FOCAD: variants seen among roughly 807,000 people sequenced by gnomAD.
FOCAD encodes the protein KIAA1797.
A neutral mutation model predicts 225.6 loss-of-function variants in FOCAD; 198 were observed. That is an observed-to-expected ratio of 0.88 (90% CI 0.78 to 0.99). The LOEUF (loss-of-function observed/expected upper bound fraction) is 0.99. Among genes scored for constraint, FOCAD ranks in the 50% least tolerant of loss-of-function variants. The probability of loss-of-function intolerance (pLI) is 0.00; values close to 1 mark genes in which losing one functional copy is unlikely to be tolerated. For missense variants in FOCAD, 2,713 were observed against 2,123.6 expected, an observed-to-expected ratio of 1.28 and a Z score of -5.46; for synonymous variants, 897 against 755.0, an observed-to-expected ratio of 1.19 and a Z score of -3.08.
chr9:20,828,478 A>T (rs1262776616), intron 15 of FOCAD, among the ~76,000 whole-genome samples: 1 of 152,010 alleles, frequency 6.6e-6, no homozygotes, highest in African/African-American at 2.4e-5. Context: ...TCATATAGTA[A>T]CTCACTGTTT....
At chr9:20,828,217 A>G (rs1256338385) in intron 15 of FOCAD, among the ~76,000 whole-genome samples, 1 of 151,868 alleles carries the variant, frequency 6.6e-6, no homozygotes, top group Non-Finnish European at 1.5e-5. Context: ...AAAAGTAACT[A>G]TGTAAGATGA....
intron 26 of FOCAD, among the ~76,000 whole-genome samples, chr9:20,927,336 T>TC (rs1428625933): frequency 6.6e-6 from 1 of 152,118 alleles, no homozygotes. Context: ...TAGCCCTTGC[T>TC]CCCCACTTCT....
At chr9:20,949,582 G>GGGGGCC in intron 32 of FOCAD, 22 bp from the exon 33 acceptor site, 1 of 936,510 alleles carries the variant, frequency 1.1e-6, no homozygotes, top group Non-Finnish European at 1.5e-6. Flanking sequence ...GGTGGGATGG[G>GGGGGCC]TATTTCTTCT....
intron 33 of FOCAD, among the ~76,000 whole-genome samples, chr9:20,950,141 A>G (rs535069463): frequency 1.4e-4 from 21 of 152,270 alleles, no homozygotes; most frequent in South Asian, 6.2e-4. Flanking sequence ...AAGATTTAAA[A>G]AAAAAAGATT....
At chr9:20,689,960 C>T (rs1296395344) in intron 1 of FOCAD, among the ~76,000 whole-genome samples, 1 of 152,148 alleles carries the variant, frequency 6.6e-6, no homozygotes, top group East Asian at 1.9e-4. Flanking sequence ...CTTTGATGTA[C>T]CTTTTCCTGG....
At chr9:20,704,937 C>T (rs1183146687) in intron 1 of FOCAD, among the ~76,000 whole-genome samples, 2 of 152,024 alleles carry the variant, frequency 1.3e-5, no homozygotes, top group African/African-American at 2.4e-5. Context: ...AAAAATTATC[C>T]ACAATTGGTA....
intron 18 of FOCAD, 146 bp from the exon 19 acceptor site, chr9:20,874,535 A>T: frequency 2.7e-6 from 2 of 736,324 alleles, no homozygotes; most frequent in Non-Finnish European, 2.1e-6. Flanking sequence ...TAGATTTTTA[A>T]AAAATTAATT....
Position 20,772,059 on chromosome 9 carries a change from G to T in FOCAD, c.906+1821G>T, listed in dbSNP as rs536394698. On this transcript the variant is annotated intron_variant, in intron 8 of 43. Coordinates refer to ENST00000338382, the MANE Select transcript of FOCAD (RefSeq NM_001375567.1). ...GAGGACACAGTTCAGCCCATAGTGA[G>T]GGCCTAATGAGGGAAATGGAAGTGG... Among the ~76,000 whole-genome samples the T allele has an allele frequency of 5.3e-5, 8 of 152,298 alleles. No homozygotes were observed. In the South Asian group the frequency reaches 1.5e-3, roughly 28 times the overall value.
intron 17 of FOCAD, among the ~76,000 whole-genome samples, chr9:20,866,611 A>C (rs565007345): frequency 1.3e-5 from 2 of 152,038 alleles, no homozygotes; most frequent in Non-Finnish European, 2.9e-5. Flanking sequence ...AATTGGGCAT[A>C]TTCTCCAGAA....
intron 8 of FOCAD, among the ~76,000 whole-genome samples, chr9:20,771,832 A>G (rs994942759): frequency 1.3e-5 from 2 of 152,188 alleles, no homozygotes; most frequent in African/African-American, 4.8e-5. Context: ...GTGCTGGCTG[A>G]TTCTGTTCTT....
At chr9:20,802,752 G>A (rs1554689445) in intron 11 of FOCAD, among the ~76,000 whole-genome samples, 1 of 152,100 alleles carries the variant, frequency 6.6e-6, no homozygotes, top group Non-Finnish European at 1.5e-5. Context: ...TAGAGCTCAG[G>A]TTAATTTGAT....
chr9:20,887,030 CA>C (rs1367162917), intron 21 of FOCAD, among the ~76,000 whole-genome samples: 13 of 152,146 alleles, frequency 8.5e-5, no homozygotes, highest in Admixed American at 7.9e-4. Flanking sequence ...CCAGGTTAAT[CA>C]GAGAAGATTC....
chr9:20,811,164 C>CT (rs1823024875), intron 11 of FOCAD, among the ~76,000 whole-genome samples: 1 of 152,012 alleles, frequency 6.6e-6, no homozygotes, highest in Non-Finnish European at 1.5e-5. Context: ...AATTTATACT[C>CT]TAAAAGCATT....
At chr9:20,817,835 T>C (rs1441291025) in intron 11 of FOCAD, among the ~76,000 whole-genome samples, 1 of 152,174 alleles carries the variant, frequency 6.6e-6, no homozygotes, top group Non-Finnish European at 1.5e-5. Flanking sequence ...TAAATAATGC[T>C]TTTCTGAAAA....
chr9:20,753,096 T>C (rs1049613834), intron 5 of FOCAD, among the ~76,000 whole-genome samples: 181 of 152,124 alleles, frequency 1.2e-3, no homozygotes, highest in South Asian at 2.5e-3. Context: ...ACAATCATGT[T>C]GTCTGCAAAC....
chr9:20,842,121 T>C (rs1826593125), intron 15 of FOCAD, among the ~76,000 whole-genome samples: 2 of 120,932 alleles, frequency 1.7e-5, no homozygotes, highest in Admixed American at 9.3e-5. Flanking sequence ...AAAGATACTT[T>C]ACATGATTTT....
At chr9:20,675,932 G>GAATT (rs1232580345) in intron 2 of FOCAD, among the ~76,000 whole-genome samples, 1 of 152,174 alleles carries the variant, frequency 6.6e-6, no homozygotes, top group Non-Finnish European at 1.5e-5. Context: ...AGTCACTGAA[G>GAATT]AATTAGCCTC....
intron 21 of FOCAD, among the ~76,000 whole-genome samples, chr9:20,895,516 T>C (rs1832000153): frequency 6.6e-6 from 1 of 151,840 alleles, no homozygotes; most frequent in Non-Finnish European, 1.5e-5. Context: ...GTAATTTTTC[T>C]CCTATAGATA....
intron 19 of FOCAD, 119 bp from the exon 20 acceptor site, chr9:20,881,752 A>G: frequency 1.0e-6 from 1 of 960,956 alleles, no homozygotes; most frequent in Admixed American, 2.4e-5. Context: ...GTCTCTTTTT[A>G]CCATGTAAGG....
Sources: allele counts gnomAD v4.1 joint callset (sites outside exome capture counted in the v4.1 genomes callset), GRCh38; gene constraint gnomAD v4.1.1; transcripts MANE v1.5; gene names NCBI Gene and HGNC (gene_info 2026-07-23, HGNC 2026-07-21).